HEG1: variants seen among roughly 807,000 people sequenced by gnomAD.
HEG1 encodes the protein protein HEG homolog 1.
A neutral mutation model predicts 125.6 loss-of-function variants in HEG1; 56 were observed. The ratio of observed to expected loss-of-function variants is 0.45; its 90% CI spans 0.36 to 0.56. The LOEUF is 0.56. Among genes scored for constraint, HEG1 ranks in the 20% least tolerant of loss-of-function variants. The probability of loss-of-function intolerance (pLI) is 0.00; values close to 1 mark genes in which losing one functional copy is unlikely to be tolerated. For missense variants in HEG1, 1,523 were observed against 1,670.0 expected (o/e 0.91, Z 1.53); for synonymous variants, 644 against 668.5 (o/e 0.96, Z 0.57).
intron 12 of HEG1, 90 bp from the exon 13 acceptor site, chr3:124,991,076 A>G: frequency 1.1e-6 from 1 of 924,730 alleles, no homozygotes; most frequent in Non-Finnish European, 1.7e-6. Context: ...AAAGTCCACA[A>G]GATTATTCTA....
intron 14 of HEG1, among the ~76,000 whole-genome samples, chr3:124,986,785 G>T: frequency 6.6e-6 from 1 of 152,160 alleles, no homozygotes; most frequent in South Asian, 2.1e-4. Flanking sequence ...AGAAATCTTG[G>T]CTACTTCCAG....
intron 1 of HEG1, among the ~76,000 whole-genome samples, chr3:125,052,580 T>C (rs1203543388): frequency 6.6e-6 from 1 of 152,212 alleles, no homozygotes; most frequent in Non-Finnish European, 1.5e-5. Flanking sequence ...AATTAAAGCA[T>C]AGCATATGGA....
At chr3:124,997,623 A>G (rs1037580089) in intron 12 of HEG1, 66 bp downstream of exon 12, 3 of 1,451,748 alleles carry the variant, frequency 2.1e-6, no homozygotes, top group Non-Finnish European at 2.8e-6. Context: ...AGAGCAAGAA[A>G]GAGAAACAGA....
chr3:125,011,373 C>T (rs1937155684), intron 6 of HEG1, among the ~76,000 whole-genome samples: 1 of 152,158 alleles, frequency 6.6e-6, no homozygotes, highest in Non-Finnish European at 1.5e-5. Context: ...TAGCCAAACA[C>T]TAACCCATGA....
intron 3 of HEG1, among the ~76,000 whole-genome samples, chr3:125,021,808 A>C (rs1006107318): frequency 6.6e-6 from 1 of 152,256 alleles, no homozygotes; most frequent in African/African-American, 2.4e-5. Flanking sequence ...AATACTTATT[A>C]TTACCCCACA....
chr3:125,046,268 T>C (rs1937662689), intron 1 of HEG1, among the ~76,000 whole-genome samples: 1 of 152,134 alleles, frequency 6.6e-6, no homozygotes, highest in Non-Finnish European at 1.5e-5. Context: ...CAAGTGAGTA[T>C]GGTCCTCTTC....
At chr3:125,024,355 G>A (rs181112527) in intron 3 of HEG1, among the ~76,000 whole-genome samples, 142 of 152,270 alleles carry the variant, frequency 9.3e-4, no homozygotes, top group African/African-American at 3.3e-3. Context: ...TTGTGCCCTG[G>A]TTTCCAGGAA....
chr3:124,990,421 C>T (rs1936813493), intron 14 of HEG1, among the ~76,000 whole-genome samples: 1 of 151,846 alleles, frequency 6.6e-6, no homozygotes. Flanking sequence ...TCACTGCAAC[C>T]TCCGCCTCCC....
In HEG1 at chr3:125,035,807, G is replaced by A. The variant is rs147328536; in HGVS notation, c.317-6319C>T. 2.6e-5 allele frequency among the ~76,000 whole-genome samples: 4 copies of A among 152,162 alleles called. No homozygotes were observed. In the East Asian group the frequency reaches 7.7e-4, roughly 29 times the overall value. ...CTCATTTGTGAAATTAATAAAACAAGTCAGAACAAATCCTAGATAACAATA... is the reference window on the plus strand; with the variant it reads ...CTCATTTGTGAAATTAATAAAACAAATCAGAACAAATCCTAGATAACAATA... On this transcript the variant is annotated intron_variant, in intron 1 of 16. Coordinates refer to ENST00000311127, the MANE Select transcript of HEG1 (RefSeq NM_020733.2).
chr3:125,029,117 T>G, intron 2 of HEG1, 78 bp downstream of exon 2: 2 of 1,455,032 alleles, frequency 1.4e-6, no homozygotes, highest in Non-Finnish European at 1.9e-6. Flanking sequence ...CAGAATGGGG[T>G]TGTGGGGAAT....
intron 12 of HEG1, among the ~76,000 whole-genome samples, chr3:124,994,512 T>C (rs1454720634): frequency 6.6e-6 from 1 of 152,080 alleles, no homozygotes; most frequent in East Asian, 1.9e-4. Flanking sequence ...GGCATCTTTT[T>C]TTTTTTTTTT....
intron 3 of HEG1, among the ~76,000 whole-genome samples, chr3:125,022,931 T>C (rs1179177616): frequency 1.3e-5 from 2 of 152,318 alleles, no homozygotes; most frequent in Non-Finnish European, 2.9e-5. Context: ...CAGTGGCTCA[T>C]GCCTGTAATC....
rs1936331693 is a variant in HEG1 at position 124,967,219 on chromosome 3, C to T, written c.*3433G>A. The T allele has an allele frequency of 6.6e-6, 1 of 152,158 alleles. No individual in the cohort carries two copies. Among genetic ancestry groups the T allele is most frequent in the African/African-American group, 2.4e-5 (1 of 41,434 alleles). The allele number at this position is 152,158 out of a possible 1,614,324, so 9.4% of individuals were successfully genotyped here. ...AAAACAGTTCACAAAAATATGCTTC[C>T]AGTATGTGGGAGCCATGGCCTTACC... On this transcript the variant is annotated 3_prime_UTR_variant, in exon 17 of 17. Transcript: ENST00000311127.
intron 8 of HEG1, among the ~76,000 whole-genome samples, chr3:125,007,217 A>AG (rs1937084638): frequency 6.6e-6 from 1 of 151,486 alleles, no homozygotes; most frequent in Non-Finnish European, 1.5e-5. Context: ...AAAAAAAAAA[A>AG]AAAGAAATTC....
chr3:125,001,768 C>T, intron 11 of HEG1, 84 bp downstream of exon 11: 2 of 1,471,308 alleles, frequency 1.4e-6, no homozygotes, highest in Non-Finnish European at 1.8e-6. Flanking sequence ...TTTCCTGGGC[C>T]TGAGCCCTGG....
At chr3:125,018,184 C>A (rs1429543992) in intron 5 of HEG1, among the ~76,000 whole-genome samples, 1 of 152,176 alleles carries the variant, frequency 6.6e-6, no homozygotes, top group African/African-American at 2.4e-5. Flanking sequence ...ATCCCTGCTA[C>A]GGCATATTAT....
chr3:125,050,613 G>C (rs775274741), intron 1 of HEG1, among the ~76,000 whole-genome samples: 3 of 152,158 alleles, frequency 2.0e-5, no homozygotes, highest in Non-Finnish European at 4.4e-5. Context: ...ATGATCTCCT[G>C]TGGCATTTCT....
Position 125,001,992 on chromosome 3 carries a change from A to T in HEG1, c.3377T>A (p.Ile1126Asn). ...CAGGGAAAAGGTTGTTTGCAGTGAG[A>T]TCACCACCGCGTTGGACTCCCTATA... is the stretch of plus-strand genomic sequence containing the variant. Reference protein sequence around the residue: ...HASRESNAVVISLQTTFSLAS... With the variant: ...HASRESNAVVNSLQTTFSLAS... The change falls in exon 11 of 17, where the codon ATC becomes AAC. Residue 1126 changes from isoleucine to asparagine, a missense_variant. By Grantham distance (149) the Ile-to-Asn change is moderately radical (BLOSUM62 -3). Coordinates refer to ENST00000311127, the MANE Select transcript of HEG1 (RefSeq NM_020733.2). 3 of 1,613,992 alleles carry T rather than the reference A, an allele frequency of 1.9e-6. No homozygotes were observed. The highest frequency in any genetic ancestry group is 2.5e-6 in the Non-Finnish European group (3 of 1,179,886).
chr3:125,029,363 C>T lies in HEG1; in HGVS notation c.442G>A (p.Gly148Arg), dbSNP rs368788121. 5 of 1,613,648 alleles carry T rather than the reference C, an allele frequency of 3.1e-6. No homozygotes were observed. The African/African-American group carries it at 5.3e-5, about 17-fold the overall frequency. ...SKEGVMVQTS[G>R]KSHAASDAPE... Reference sequence around the variant, plus strand: ...GCATCCGAAGCAGCATGGCTCTTCCCAGAGGTCTGAACCATCACGCCCTCT... The same window carrying T: ...GCATCCGAAGCAGCATGGCTCTTCCTAGAGGTCTGAACCATCACGCCCTCT... The change falls in exon 2 of 17, where the codon GGG becomes AGG. Residue 148 changes from glycine (G) to arginine (R), a missense_variant. Gly to Arg is a moderately radical substitution (Grantham distance 125). Coordinates refer to ENST00000311127, the MANE Select transcript of HEG1 (RefSeq NM_020733.2).
Sources: allele counts gnomAD v4.1 joint callset (sites outside exome capture counted in the v4.1 genomes callset), GRCh38; gene constraint gnomAD v4.1.1; transcripts MANE v1.5; gene names NCBI Gene and HGNC (gene_info 2026-07-23, HGNC 2026-07-21).